HTR1F: variants seen among roughly 807,000 people sequenced by gnomAD.
HTR1F encodes the protein 5-hydroxytryptamine receptor 1F, also known as 5-hydroxytryptamine (serotonin) receptor 1F, G protein-coupled.
Under a neutral mutation model 24.0 loss-of-function variants are expected in HTR1F, and 17 were observed. The ratio of observed to expected loss-of-function variants is 0.71; its 90% CI spans 0.48 to 1.06. The LOEUF (loss-of-function observed/expected upper bound fraction) is 1.06, where lower values mean the gene tolerates loss of function less well. HTR1F is among the 50% of genes least tolerant of loss of function. The probability of loss-of-function intolerance (pLI) is 0.00; values close to 1 mark genes in which losing one functional copy is unlikely to be tolerated. For synonymous variants in HTR1F, 186 were observed against 156.8 expected, an observed-to-expected ratio of 1.19 and a Z score of -1.39; for missense variants, 391 against 427.8, an observed-to-expected ratio of 0.91 and a Z score of 0.76.
chr3:87,873,081 C>T (rs1705592740), intron 2 of HTR1F, among the ~76,000 whole-genome samples: 1 of 144,546 alleles, frequency 6.9e-6, no homozygotes, highest in African/African-American at 2.7e-5. Context: ...TGGATGGATA[C>T]ATACATGCAT....
At chr3:87,927,770 A>G (rs1043694167) in intron 2 of HTR1F, among the ~76,000 whole-genome samples, 30 of 152,324 alleles carry the variant, frequency 2.0e-4, no homozygotes, top group African/African-American at 6.5e-4. Context: ...TACAAAGCAT[A>G]GTGCTAGTTA....
Position 87,918,385 on chromosome 3 carries a change from G to C in HTR1F, c.-42-72323G>C, listed in dbSNP as rs1028914711. On this transcript the variant is annotated intron_variant, in intron 2 of 2. Coordinates refer to ENST00000319595, the MANE Select transcript of HTR1F (RefSeq NM_001322209.2). The stretch of plus-strand genomic sequence containing the variant: ...TCCTAGCCAGAGCAATCAGACAAGA[G>C]AAAGGAATAAAGAAAGGGCATCCAA... Among the ~76,000 whole-genome samples, 3 of 151,966 alleles carry C rather than the reference G, an allele frequency of 2.0e-5. 1 individual carries two copies. The highest frequency in any genetic ancestry group is 6.6e-5 in the Admixed American group (1 of 15,240).
intron 2 of HTR1F, among the ~76,000 whole-genome samples, chr3:87,905,480 A>G (rs1354857425): frequency 6.6e-6 from 1 of 151,950 alleles, no homozygotes; most frequent in Non-Finnish European, 1.5e-5. Flanking sequence ...TTTCCTCATG[A>G]GTATATAGGT....
intron 2 of HTR1F, among the ~76,000 whole-genome samples, chr3:87,975,151 C>A (rs139898564): frequency 1.3e-5 from 2 of 151,894 alleles, no homozygotes; most frequent in Non-Finnish European, 2.9e-5. Flanking sequence ...CCAAAGTCAA[C>A]GAAGTCTAGA....
chr3:87,931,677 T>C (rs1021402251), intron 2 of HTR1F, among the ~76,000 whole-genome samples: 1 of 151,978 alleles, frequency 6.6e-6, no homozygotes, highest in Non-Finnish European at 1.5e-5. Flanking sequence ...AGTGTAAAAG[T>C]GTTCCTATTT....
intron 1 of HTR1F, among the ~76,000 whole-genome samples, chr3:87,804,665 A>T (rs1704046079): frequency 6.6e-6 from 1 of 151,864 alleles, no homozygotes; most frequent in African/African-American, 2.4e-5. Context: ...GTTACTATAG[A>T]TGTTTATTCT....
At chr3:87,866,594 TG>T (rs1390222828) in intron 2 of HTR1F, among the ~76,000 whole-genome samples, 2 of 148,992 alleles carry the variant, frequency 1.3e-5, no homozygotes, top group African/African-American at 2.4e-5. Context: ...TTTGCTAGTT[TG>T]ATTACACTTT....
chr3:87,981,345 C>T (rs1705538913), intron 2 of HTR1F, among the ~76,000 whole-genome samples: 1 of 152,188 alleles, frequency 6.6e-6, no homozygotes, highest in Admixed American at 6.5e-5. Context: ...CAGCCACACA[C>T]TGCCATACCC....
In HTR1F at chr3:87,857,696, G is replaced by A. The variant is rs114614652; in HGVS notation, c.-43+35572G>A. Among the ~76,000 whole-genome samples, 5 of 152,010 alleles carry A rather than the reference G, an allele frequency of 3.3e-5. No homozygotes were observed. In the East Asian group the frequency reaches 9.7e-4, roughly 29 times the overall value. On this transcript the variant is annotated intron_variant, in intron 2 of 2. Coordinates refer to ENST00000319595, the MANE Select transcript of HTR1F (RefSeq NM_001322209.2). Reference sequence around the variant, plus strand: ...TCCCCCATTAGCAACATTCCCCACCGAAGTAGTACATTTGTTACAACTGAT... The same window carrying A: ...TCCCCCATTAGCAACATTCCCCACCAAAGTAGTACATTTGTTACAACTGAT...
intron 2 of HTR1F, among the ~76,000 whole-genome samples, chr3:87,875,975 A>C (rs1705664477): frequency 6.6e-6 from 1 of 152,072 alleles, no homozygotes; most frequent in Non-Finnish European, 1.5e-5. Flanking sequence ...CTCCTAAGTA[A>C]TACAAATAAC....
intron 2 of HTR1F, among the ~76,000 whole-genome samples, chr3:87,989,788 G>A (rs1217273193): frequency 5.3e-5 from 8 of 152,046 alleles, no homozygotes; most frequent in Admixed American, 3.3e-4. Context: ...GCTATTTTTC[G>A]CAGCCCAATA....
intron 2 of HTR1F, among the ~76,000 whole-genome samples, chr3:87,923,195 T>G (rs146425995): frequency 1.0e-3 from 156 of 152,144 alleles, no homozygotes; most frequent in African/African-American, 3.6e-3. Flanking sequence ...AGTCAGGTGG[T>G]ATGATGCCTC....
intron 2 of HTR1F, among the ~76,000 whole-genome samples, chr3:87,933,338 TG>T (rs1704330438): frequency 6.6e-6 from 1 of 151,398 alleles, no homozygotes; most frequent in South Asian, 2.1e-4. Flanking sequence ...AACATAGTGT[TG>T]GAAGTTCTGG....
rs145023766 is a variant in HTR1F at position 87,835,285 on chromosome 3, C to G, written c.-43+13161C>G. On this transcript the variant is annotated intron_variant, in intron 2 of 2. Coordinates refer to ENST00000319595, the MANE Select transcript of HTR1F (RefSeq NM_001322209.2). ...GACCCTTACCCCCAAGACCCCCCCG[C>G]AAACCCAACCCCACCCCCAGGGCAG... Among the ~76,000 whole-genome samples the G allele has an allele frequency of 8.3e-3, 1,215 of 147,026 alleles. 26 individuals are homozygous for G. Among genetic ancestry groups the G allele is most frequent in the African/African-American group, 0.03 (1,153 of 38,820 alleles).
At chr3:87,809,276 G>C (rs993856068) in intron 1 of HTR1F, among the ~76,000 whole-genome samples, 3 of 151,672 alleles carry the variant, frequency 2.0e-5, no homozygotes, top group Admixed American at 2.0e-4. Context: ...ATTATATTTA[G>C]AGAGATAGTC....
At chr3:87,953,685 T>C (rs1704883787) in intron 2 of HTR1F, among the ~76,000 whole-genome samples, 1 of 151,828 alleles carries the variant, frequency 6.6e-6, no homozygotes, top group Non-Finnish European at 1.5e-5. Flanking sequence ...CACTACTAGG[T>C]ATTTATCAAA....
At chr3:87,936,707 G>A (rs538053658) in intron 2 of HTR1F, among the ~76,000 whole-genome samples, 2 of 152,160 alleles carry the variant, frequency 1.3e-5, no homozygotes, top group South Asian at 2.1e-4. Flanking sequence ...ATTAAATCAC[G>A]GAGCATAAAC....
chr3:87,805,998 T>G (rs181824032), intron 1 of HTR1F, among the ~76,000 whole-genome samples: 118 of 152,196 alleles, frequency 7.8e-4, no homozygotes, highest in African/African-American at 2.8e-3. Flanking sequence ...CAAATATGAG[T>G]AAGAACATGT....
intron 2 of HTR1F, among the ~76,000 whole-genome samples, chr3:87,834,309 G>A (rs1433461572): frequency 6.6e-6 from 1 of 152,026 alleles, no homozygotes; most frequent in East Asian, 1.9e-4. Flanking sequence ...ATGTATGTGT[G>A]TATATGTGTA....
Sources: allele counts gnomAD v4.1 joint callset (sites outside exome capture counted in the v4.1 genomes callset), GRCh38; gene constraint gnomAD v4.1.1; transcripts MANE v1.5; gene names NCBI Gene and HGNC (gene_info 2026-07-23, HGNC 2026-07-21).